The following RIMS4 variants were observed in gnomAD, a reference collection of about 807,000 sequenced individuals.
RIMS4 encodes the protein regulating synaptic membrane exocytosis 4, also known as regulating synaptic membrane exocytosis protein 4.
RIMS4 carries 9 observed loss-of-function variants against 29.0 expected under a neutral mutation model. The observed-to-expected ratio is 0.31, with a 90% CI of 0.19 to 0.54. The LOEUF (loss-of-function observed/expected upper bound fraction) is 0.54. RIMS4 is among the 20% of genes least tolerant of loss of function. The pLI, the probability that RIMS4 is intolerant of heterozygous loss-of-function variation, is 0.94. For missense variants in RIMS4, 193 were observed against 365.7 expected (o/e 0.53, Z 3.85); for synonymous variants, 130 against 152.9 (o/e 0.85, Z 1.10).
chr20:44,765,345 C>T (rs369341530), intron 2 of RIMS4, among the ~76,000 whole-genome samples: 151 of 152,272 alleles, frequency 9.9e-4, no homozygotes, highest in Non-Finnish European at 1.3e-3. Flanking sequence ...ACTCACTAGT[C>T]GTGGAGGCAC....
intron 1 of RIMS4, among the ~76,000 whole-genome samples, chr20:44,793,740 G>C (rs140095860): frequency 6.6e-6 from 1 of 152,012 alleles, no homozygotes; most frequent in Non-Finnish European, 1.5e-5. Context: ...TAATGCTGGC[G>C]ACCTGAGATC....
chr20:44,771,495 G>A, intron 1 of RIMS4, 82 bp from the exon 2 acceptor site: 1 of 1,483,684 alleles, frequency 6.7e-7, no homozygotes, highest in African/African-American at 1.4e-5. Flanking sequence ...CTGGTTAGCA[G>A]TGTTTCAGCA....
At chr20:44,791,193 A>AC (rs34093750) in intron 1 of RIMS4, among the ~76,000 whole-genome samples, 2 of 152,262 alleles carry the variant, frequency 1.3e-5, no homozygotes, top group African/African-American at 4.8e-5. Context: ...ACGCGCACAC[A>AC]CCCCCTAGAG....
chr20:44,793,145 G>A (rs1032317863), intron 1 of RIMS4, among the ~76,000 whole-genome samples: 12 of 152,162 alleles, frequency 7.9e-5, no homozygotes, highest in African/African-American at 2.4e-4. Flanking sequence ...ATGGGGCCAC[G>A]AGAGGAAGGG....
intron 2 of RIMS4, among the ~76,000 whole-genome samples, chr20:44,769,036 C>G (rs2066125749): frequency 6.6e-6 from 1 of 152,144 alleles, no homozygotes; most frequent in Non-Finnish European, 1.5e-5. Context: ...AAACTGGGCT[C>G]AGAGAGGTGA....
chr20:44,777,102 A>G (rs1162642980), intron 1 of RIMS4, among the ~76,000 whole-genome samples: 1 of 152,190 alleles, frequency 6.6e-6, no homozygotes. Flanking sequence ...TAACTATTCC[A>G]TGGCACCTTG....
chr20:44,773,523 C>T, intron 1 of RIMS4, among the ~76,000 whole-genome samples: 1 of 151,884 alleles, frequency 6.6e-6, no homozygotes, highest in Admixed American at 6.5e-5. Context: ...GGATACAGAC[C>T]CATGACTGGG....
intron 1 of RIMS4, among the ~76,000 whole-genome samples, chr20:44,793,588 G>T (rs564959459): frequency 2.0e-5 from 3 of 152,204 alleles, no homozygotes; most frequent in Non-Finnish European, 4.4e-5. Flanking sequence ...GGTTGAGACA[G>T]ACCCTGAAAG....
intron 2 of RIMS4, among the ~76,000 whole-genome samples, chr20:44,770,231 A>C (rs1309660411): frequency 6.6e-6 from 1 of 152,144 alleles, no homozygotes; most frequent in Non-Finnish European, 1.5e-5. Context: ...GCTGGGAGTC[A>C]AGACTCCTGG....
rs746805668 is a variant in RIMS4, at chr20:44,756,760, G to A, written c.591+138C>T. On this transcript the variant is annotated intron_variant, in intron 5 of 5. Transcript: ENST00000372851. The surrounding 1 kb of genome is among the most constrained non-coding windows in gnomAD (Gnocchi z 5.9). ...TTGTGGAGCTCAGTTCAGCCACAGT[G>A]AACTGAGGGCCTCGCCTGTTTCCTC... The A allele has an allele frequency of 3.7e-5, 26 of 708,762 alleles. No individual in the cohort carries two copies. Among genetic ancestry groups the A allele is most frequent in the Middle Eastern group, 4.2e-4 (1 of 2,356 alleles). The allele number at this position is 708,762 out of a possible 1,614,324, so 43.9% of individuals were successfully genotyped here. A position where few individuals can be genotyped will look rare whatever the true frequency, so the allele number is the denominator to read the frequency against.
At chr20:44,775,086 A>G (rs1235993389) in intron 1 of RIMS4, among the ~76,000 whole-genome samples, 2 of 152,028 alleles carry the variant, frequency 1.3e-5, no homozygotes, top group South Asian at 2.1e-4. Flanking sequence ...CATTCTCTCA[A>G]CAGACATCTA....
In RIMS4 at chr20:44,756,504, G is replaced by C. The variant is rs960682383; in HGVS notation, c.592-152C>G. 4.6e-6 allele frequency: 3 copies of C among 657,856 alleles called. No homozygotes were observed. The highest frequency in any genetic ancestry group is 5.3e-6 in the Non-Finnish European group (2 of 376,288). The allele number at this position is 657,856 out of a possible 1,614,324, so 40.8% of individuals were successfully genotyped here. On this transcript the variant is annotated intron_variant, in intron 5 of 5. Transcript: ENST00000372851. This position sits in a 1 kb window ranked among gnomAD's most constrained non-coding sequence, Gnocchi z 5.9. The stretch of plus-strand genomic sequence containing the variant: ...TTCCTCAACAGGCCTTTCTTATCAC[G>C]GGGCATCACACCAAGCCCCTGGCCT...
chr20:44,796,511 T>C (rs1470012761), intron 1 of RIMS4, among the ~76,000 whole-genome samples: 2 of 151,958 alleles, frequency 1.3e-5, no homozygotes, highest in Non-Finnish European at 2.9e-5. Flanking sequence ...GGGATGCAGA[T>C]GGGAATCACA....
At chr20:44,761,197 C>T (rs1253876323) in intron 2 of RIMS4, among the ~76,000 whole-genome samples, 2 of 152,140 alleles carry the variant, frequency 1.3e-5, no homozygotes, top group African/African-American at 4.8e-5. Flanking sequence ...TGTCAAAGTG[C>T]TCTATACTTA....
chr20:44,799,713 T>A (rs1349190412), intron 1 of RIMS4, among the ~76,000 whole-genome samples: 1 of 152,022 alleles, frequency 6.6e-6, no homozygotes, highest in Non-Finnish European at 1.5e-5. Flanking sequence ...TGCCGCAGGG[T>A]CCATGATGGC....
In RIMS4 at chr20:44,757,734, C is replaced by T. The variant is rs988290992; in HGVS notation, c.387G>A (p.Gln129=). Reference sequence around the variant, plus strand: ...GAGCCTGGATAATGTCCACCTCCAACTGACCGTTCCGCTCCTGCAGACCGA... The same window carrying T: ...GAGCCTGGATAATGTCCACCTCCAATTGACCGTTCCGCTCCTGCAGACCGA... ...VEIGLQERNG[Q]LEVDIIQARG... The change falls in exon 4 of 6, where the codon CAG becomes CAA. Residue 129 remains glutamine (Q), a synonymous_variant. Transcript: ENST00000372851. 6.2e-7 allele frequency: 1 copy of T among 1,614,128 alleles called. No homozygotes were observed.
chr20:44,763,067 A>C (rs1365332596), intron 2 of RIMS4, among the ~76,000 whole-genome samples: 3 of 152,238 alleles, frequency 2.0e-5, no homozygotes, highest in African/African-American at 7.2e-5. Flanking sequence ...TATTGCATTA[A>C]GTGCTGCATA....
At chr20:44,771,490 T>C (rs1033502924) in intron 1 of RIMS4, 77 bp from the exon 2 acceptor site, 3 of 1,506,564 alleles carry the variant, frequency 2.0e-6, no homozygotes, top group Non-Finnish European at 2.7e-6. Context: ...GTCATCTGGT[T>C]AGCAGTGTTT....
chr20:44,786,637 T>G (rs566555911), intron 1 of RIMS4, among the ~76,000 whole-genome samples: 1 of 152,254 alleles, frequency 6.6e-6, no homozygotes, highest in Non-Finnish European at 1.5e-5. Context: ...ATAGTCTAAG[T>G]GCTTAGAAGA....
Sources: allele counts gnomAD v4.1 joint callset (sites outside exome capture counted in the v4.1 genomes callset), GRCh38; gene constraint gnomAD v4.1.1; non-coding constraint Gnocchi (gnomAD v3.1); transcripts MANE v1.5; gene names NCBI Gene and HGNC (gene_info 2026-07-23, HGNC 2026-07-21).